The following BMP6 variants were observed in gnomAD, a reference collection of about 807,000 sequenced individuals.
BMP6 encodes the protein VG-1-R.
A neutral mutation model predicts 54.1 loss-of-function variants in BMP6; 17 were observed. The ratio of observed to expected loss-of-function variants is 0.31; its 90% CI spans 0.22 to 0.47. The LOEUF is 0.47. Among genes scored for constraint, BMP6 ranks in the 20% least tolerant of loss-of-function variants. BMP6 has a pLI of 1.00. For synonymous variants in BMP6, 328 were observed against 291.2 expected, an observed-to-expected ratio of 1.13 and a Z score of -1.28; for missense variants, 720 against 690.4, an observed-to-expected ratio of 1.04 and a Z score of -0.48.
At chr6:7,848,477 T>C (rs1759099020) in intron 2 of BMP6, among the ~76,000 whole-genome samples, 1 of 152,174 alleles carries the variant, frequency 6.6e-6, no homozygotes, top group African/African-American at 2.4e-5. Flanking sequence ...TAGACACCCC[T>C]GTGATTTCAT....
chr6:7,856,120 TAAAA>T (rs56264814), intron 2 of BMP6, among the ~76,000 whole-genome samples: 4,130 of 83,652 alleles, frequency 0.049, 88 homozygotes, highest in Middle Eastern at 0.16. Flanking sequence ...TCAAAGACTG[TAAAA>T]AAAAAAAAAA....
chr6:7,880,797 G>T lies in BMP6; in HGVS notation c.*454G>T, dbSNP rs1047047409. 1 of 187,924 alleles carries T rather than the reference G, an allele frequency of 5.3e-6. No individual in the cohort carries two copies. Among genetic ancestry groups the T allele is most frequent in the South Asian group, 1.2e-4 (1 of 8,618 alleles). The allele number at this position is 187,924 out of a possible 1,614,324, so 11.6% of individuals were successfully genotyped here. A position where few individuals can be genotyped will look rare whatever the true frequency, so the allele number is the denominator to read the frequency against. Reference sequence around the variant, plus strand: ...GATTTTACAGAGAACAGAAATCGGGGAAGTGGGGGGAACGCCTCTGTTCAG... The same window carrying T: ...GATTTTACAGAGAACAGAAATCGGGTAAGTGGGGGGAACGCCTCTGTTCAG... On this transcript the variant is annotated 3_prime_UTR_variant, in exon 7 of 7. Transcript: ENST00000283147.
At chr6:7,775,830 A>G (rs1247356603) in intron 1 of BMP6, among the ~76,000 whole-genome samples, 2 of 152,176 alleles carry the variant, frequency 1.3e-5, no homozygotes, top group Non-Finnish European at 2.9e-5. Context: ...TTTATAATCT[A>G]TTTTCTGTGA....
intron 1 of BMP6, among the ~76,000 whole-genome samples, chr6:7,813,458 CAAAAAA>C (rs58314970): frequency 4.8e-4 from 31 of 64,372 alleles, no homozygotes; most frequent in South Asian, 8.0e-4. Context: ...CCTGTCTCTA[CAAAAAA>C]AAAAAAAAAA....
At chr6:7,801,987 G>C (rs1397731088) in intron 1 of BMP6, among the ~76,000 whole-genome samples, 3 of 152,162 alleles carry the variant, frequency 2.0e-5, no homozygotes, top group African/African-American at 7.2e-5. Context: ...TTCTGTCAGG[G>C]AGATGTGGAG....
At chr6:7,838,935 C>CTT (rs1252115328) in intron 1 of BMP6, among the ~76,000 whole-genome samples, 1 of 122,732 alleles carries the variant, frequency 8.1e-6, no homozygotes, top group Non-Finnish European at 1.6e-5. Context: ...GAGCGAGACT[C>CTT]TGTCTCAAAA....
chr6:7,741,147 A>G lies in BMP6; in HGVS notation c.664+13528A>G, dbSNP rs190524112. Among the ~76,000 whole-genome samples the G allele has an allele frequency of 6.2e-4, 94 of 151,874 alleles. 1 individual carries two copies. The East Asian group carries it at 0.018, about 29-fold the overall frequency. ...CCACATTCTCAATTCTGTTTTTTAA[A>G]CCCCAGTTCAAATGCCATCTCGTTA... On this transcript the variant is annotated intron_variant, in intron 1 of 6. Transcript: ENST00000283147.
intron 2 of BMP6, among the ~76,000 whole-genome samples, chr6:7,857,981 C>T (rs561344427): frequency 1.1e-4 from 17 of 152,302 alleles, no homozygotes; most frequent in African/African-American, 4.1e-4. Context: ...ACTGGGGCTC[C>T]ACCACTATGC....
intron 1 of BMP6, among the ~76,000 whole-genome samples, chr6:7,760,772 C>T (rs1041083037): frequency 1.3e-5 from 2 of 152,068 alleles, no homozygotes; most frequent in Non-Finnish European, 2.9e-5. Flanking sequence ...CTGGCTGGAC[C>T]GTAGTGTTTT....
chr6:7,816,744 TTTC>T (rs1758533672), intron 1 of BMP6, among the ~76,000 whole-genome samples: 1 of 152,234 alleles, frequency 6.6e-6, no homozygotes, highest in Non-Finnish European at 1.5e-5. Context: ...GTGATTGTTT[TTTC>T]TTCTATTTTT....
intron 1 of BMP6, among the ~76,000 whole-genome samples, chr6:7,806,079 A>C (rs565644491): frequency 6.6e-6 from 1 of 152,342 alleles, no homozygotes; most frequent in South Asian, 2.1e-4. Context: ...TAGGAGATTA[A>C]CATCGAACAT....
At chr6:7,804,728 A>G (rs927776254) in intron 1 of BMP6, among the ~76,000 whole-genome samples, 3 of 152,232 alleles carry the variant, frequency 2.0e-5, no homozygotes, top group Non-Finnish European at 4.4e-5. Context: ...CCCTTCACAT[A>G]GCTTCTATTC....
intron 1 of BMP6, among the ~76,000 whole-genome samples, chr6:7,805,699 C>A (rs2113203538): frequency 6.6e-6 from 1 of 152,312 alleles, no homozygotes; most frequent in African/African-American, 2.4e-5. Flanking sequence ...ATATTTGGTA[C>A]AAGAGCTCTT....
chr6:7,874,653 T>A (rs911447276), intron 4 of BMP6, among the ~76,000 whole-genome samples: 5 of 151,806 alleles, frequency 3.3e-5, no homozygotes, highest in African/African-American at 1.2e-4. Context: ...AAGGCTGAGG[T>A]GGGAGCATCA....
chr6:7,829,873 A>G (rs1450735498), intron 1 of BMP6, among the ~76,000 whole-genome samples: 4 of 152,126 alleles, frequency 2.6e-5, no homozygotes, highest in Non-Finnish European at 5.9e-5. Flanking sequence ...CCCACAATAA[A>G]TGGGTTATTG....
At chr6:7,875,034 G>T (rs1759586953) in intron 4 of BMP6, among the ~76,000 whole-genome samples, 1 of 152,138 alleles carries the variant, frequency 6.6e-6, no homozygotes, top group African/African-American at 2.4e-5. Context: ...AACCAGGAAA[G>T]CTGGTGGTGT....
At chr6:7,822,895 GGTTGTGTGTGTGTGTGTGTGTGTGTGT>G (rs1276311970) in intron 1 of BMP6, among the ~76,000 whole-genome samples, 5 of 144,160 alleles carry the variant, frequency 3.5e-5, no homozygotes, top group Non-Finnish European at 6.0e-5. Flanking sequence ...GATTGGTGCT[GGTTGTGTGTGTGTGTGTGTGTGTGTGT>G]GTGTGTGTGT....
chr6:7,799,743 A>AAAT (rs1758242230), intron 1 of BMP6, among the ~76,000 whole-genome samples: 1 of 151,396 alleles, frequency 6.6e-6, no homozygotes, highest in South Asian at 2.1e-4. Flanking sequence ...CTGATTATAA[A>AAAT]AAAAAAAAAA....
Position 7,881,359 on chromosome 6 carries a change from C to T in BMP6, c.*1016C>T, listed in dbSNP as rs963274961. On this transcript the variant is annotated 3_prime_UTR_variant, in exon 7 of 7. Transcript: ENST00000283147. ...GAATATTTTCTAAATGTCTTTTTCA[C>T]AATCATGTACTGGGAAGGCAATTTC... The T allele has an allele frequency of 7.9e-5, 12 of 152,590 alleles. No homozygotes were observed. Among genetic ancestry groups the T allele is most frequent in the Admixed American group, 2.0e-4 (3 of 15,268 alleles). The allele number at this position is 152,590 out of a possible 1,614,324, so 9.5% of individuals were successfully genotyped here. A position where few individuals can be genotyped will look rare whatever the true frequency, so the allele number is the denominator to read the frequency against.
Sources: allele counts gnomAD v4.1 joint callset (sites outside exome capture counted in the v4.1 genomes callset), GRCh38; gene constraint gnomAD v4.1.1; transcripts MANE v1.5; gene names NCBI Gene and HGNC (gene_info 2026-07-23, HGNC 2026-07-21).